TSGA10: variants seen among roughly 807,000 people sequenced by gnomAD.
TSGA10 encodes testis specific 10, also known as testis-specific gene 10 protein.
TSGA10 carries 43 observed loss-of-function variants against 96.6 expected under a neutral mutation model. The observed-to-expected ratio is 0.44, with a 90% confidence interval of 0.35 to 0.57. TSGA10 has a LOEUF of 0.57. Among genes scored for constraint, TSGA10 ranks in the 20% least tolerant of loss-of-function variants. The probability of loss-of-function intolerance (pLI) is 0.01; values close to 1 mark genes in which losing one functional copy is unlikely to be tolerated. For missense variants in TSGA10, 703 were observed against 834.4 expected (o/e 0.84, Z 1.94); for synonymous variants, 229 against 269.9 (o/e 0.85, Z 1.48).
chr2:99,095,401 A>G (rs1159475259), intron 10 of TSGA10, among the ~76,000 whole-genome samples: 1 of 152,218 alleles, frequency 6.6e-6, no homozygotes, highest in East Asian at 1.9e-4. Context: ...TGGAAATTAA[A>G]CAAATAAAAT....
intron 18 of TSGA10, 138 bp downstream of exon 18, chr2:99,020,142 C>A: frequency 3.0e-6 from 2 of 657,040 alleles, no homozygotes; most frequent in Non-Finnish European, 5.2e-6. Context: ...AAAGTACCAC[C>A]TCTTAGGCAA....
chr2:99,007,823 AC>A (rs528198968), intron 20 of TSGA10, among the ~76,000 whole-genome samples: 4 of 152,328 alleles, frequency 2.6e-5, no homozygotes, highest in African/African-American at 9.6e-5. Context: ...AAGCCAGTTT[AC>A]CAGCACACCA....
At chr2:99,088,106 A>G (rs190553368) in intron 10 of TSGA10, among the ~76,000 whole-genome samples, 13 of 152,312 alleles carry the variant, frequency 8.5e-5, no homozygotes, top group African/African-American at 2.9e-4. Context: ...TAATTCAGTG[A>G]CTATTTTCTC....
At chr2:99,153,165 G>T (rs2093709952) in intron 1 of TSGA10, among the ~76,000 whole-genome samples, 1 of 152,174 alleles carries the variant, frequency 6.6e-6, no homozygotes. Context: ...CCAGGTTGAG[G>T]TAGTCAAATG....
intron 2 of TSGA10, chr2:99,124,787 G>C (rs1280044108): frequency 6.6e-6 from 1 of 151,686 alleles, no homozygotes; most frequent in South Asian, 2.1e-4. Context: ...GGGTTTCACC[G>C]TGTTAGCCAG....
chr2:99,002,475 C>A (rs761248821), intron 20 of TSGA10, among the ~76,000 whole-genome samples: 1 of 152,130 alleles, frequency 6.6e-6, no homozygotes, highest in Non-Finnish European at 1.5e-5. Flanking sequence ...TAAAAGAGCT[C>A]CTGAAGGAAG....
chr2:99,057,948 T>C (rs542134336), intron 16 of TSGA10, among the ~76,000 whole-genome samples: 1 of 152,310 alleles, frequency 6.6e-6, no homozygotes, highest in Admixed American at 6.5e-5. Flanking sequence ...CCCATGTGTC[T>C]ATGATCTATT....
chr2:99,094,952 G>A (rs886514876), intron 10 of TSGA10, among the ~76,000 whole-genome samples: 3 of 152,116 alleles, frequency 2.0e-5, no homozygotes, highest in Non-Finnish European at 4.4e-5. Flanking sequence ...TTGTACACAC[G>A]TTTATAGCAG....
chr2:99,082,900 CA>C (rs1177656746), intron 10 of TSGA10, among the ~76,000 whole-genome samples: 1 of 151,898 alleles, frequency 6.6e-6, no homozygotes, highest in Non-Finnish European at 1.5e-5. Context: ...TAGAACTTCA[CA>C]AAATTAAACT....
intron 18 of TSGA10, 95 bp from the exon 19 acceptor site, chr2:99,018,735 C>G (rs2079752511): frequency 9.5e-7 from 1 of 1,054,962 alleles, no homozygotes; most frequent in African/African-American, 1.6e-5. Context: ...GGTTTCTCAG[C>G]TGGATCCAAA....
At chr2:99,090,688 C>T (rs1383828833) in intron 10 of TSGA10, among the ~76,000 whole-genome samples, 2 of 152,002 alleles carry the variant, frequency 1.3e-5, no homozygotes, top group Non-Finnish European at 2.9e-5. Flanking sequence ...AGCTTGAAGA[C>T]AAGATTTTCA....
intron 16 of TSGA10, among the ~76,000 whole-genome samples, chr2:99,039,050 C>T (rs1164914964): frequency 6.6e-6 from 1 of 151,932 alleles, no homozygotes; most frequent in African/African-American, 2.4e-5. Context: ...TCTGGTTCAA[C>T]AATGAAATCG....
chr2:99,055,839 C>T (rs907367366), intron 16 of TSGA10, among the ~76,000 whole-genome samples: 3 of 99,920 alleles, frequency 3.0e-5, no homozygotes, highest in Non-Finnish European at 6.0e-5. Flanking sequence ...GGCAACAAAG[C>T]AAGACCCTGT....
At chr2:99,133,818 G>C (rs968221185) in intron 1 of TSGA10, among the ~76,000 whole-genome samples, 3 of 152,166 alleles carry the variant, frequency 2.0e-5, no homozygotes, top group African/African-American at 7.2e-5. Flanking sequence ...ATCTGTAAAA[G>C]ATTTTATTTC....
At position 99,105,649 on chromosome 2, in the gene TSGA10, T is replaced by C. The variant is rs149786067; in HGVS notation, c.259A>G (p.Lys87Glu). Residue 87 changes from lysine (K) to glutamate (E), a missense_variant, in exon 8 of 21, where the codon AAG (lysine) becomes GAG (glutamate). Physicochemically the swap from Lys to Glu is moderately conservative, Grantham distance 56 (BLOSUM62 1). Coordinates refer to ENST00000393483, the MANE Select transcript of TSGA10 (RefSeq NM_025244.4). ...RLRREMMKSC[K>E]SPKSTTAHAI... Reference sequence around the variant, plus strand: ...TGTGCCGTTGTTGATTTAGGACTCTTACAGCTTTTCATCATTTCTCGTCGA... The same window carrying C: ...TGTGCCGTTGTTGATTTAGGACTCTCACAGCTTTTCATCATTTCTCGTCGA... The C allele has an allele frequency of 1.1e-5, 18 of 1,597,554 alleles. No homozygotes were observed. Among genetic ancestry groups the C allele is most frequent in the East Asian group, 2.3e-5 (1 of 44,350 alleles).
chr2:99,006,532 A>G (rs1270836305), intron 20 of TSGA10, among the ~76,000 whole-genome samples: 1 of 152,230 alleles, frequency 6.6e-6, no homozygotes, highest in Non-Finnish European at 1.5e-5. Context: ...CAGCCAAAAG[A>G]CACATGAAAA....
chr2:99,039,546 A>T (rs2104181672), intron 16 of TSGA10, among the ~76,000 whole-genome samples: 1 of 152,230 alleles, frequency 6.6e-6, no homozygotes, highest in African/African-American at 2.4e-5. Flanking sequence ...GGAAATGGAT[A>T]AATTCCTGGA....
intron 2 of TSGA10, 126 bp from the exon 3 acceptor site, chr2:99,118,812 T>C (rs1328798971): frequency 1.2e-5 from 3 of 240,802 alleles, no homozygotes; most frequent in African/African-American, 4.6e-5. Context: ...CTTGAGGAAA[T>C]ACAAAGACAA....
At chr2:99,074,239 C>T (rs2086386818) in intron 12 of TSGA10, among the ~76,000 whole-genome samples, 1 of 151,836 alleles carries the variant, frequency 6.6e-6, no homozygotes, top group South Asian at 2.1e-4. Context: ...GTCTCAAACT[C>T]CTGACTTCAA....
Sources: gnomAD v4.1 joint callset for allele counts (sites outside exome capture counted in the v4.1 genomes callset) on GRCh38, gnomAD v4.1.1 for gene constraint, MANE v1.5 for transcripts, NCBI Gene and HGNC (gene_info 2026-07-23, HGNC 2026-07-21) for gene names.